PRKD1: variants seen among roughly 807,000 people sequenced by gnomAD.
The protein encoded by PRKD1 is serine/threonine-protein kinase D1.
Under a neutral mutation model 95.9 loss-of-function variants are expected in PRKD1, and 63 were observed. That is an observed-to-expected ratio of 0.66 (90% CI 0.54 to 0.81). PRKD1 has a LOEUF of 0.81. PRKD1 is among the 30% of genes least tolerant of loss of function. The pLI is 0.00. For synonymous variants in PRKD1, 425 were observed against 423.1 expected (o/e 1.00, Z -0.05); for missense variants, 1,048 against 1,165.3 (o/e 0.90, Z 1.47).
intron 2 of PRKD1, among the ~76,000 whole-genome samples, chr14:29,690,496 A>T (rs75924465): frequency 6.6e-6 from 1 of 152,128 alleles, no homozygotes; most frequent in Non-Finnish European, 1.5e-5. Context: ...CTACTTTTCA[A>T]ATCGGCTTAC....
chr14:29,764,418 C>A (rs1330292640), intron 1 of PRKD1, among the ~76,000 whole-genome samples: 1 of 152,132 alleles, frequency 6.6e-6, no homozygotes, highest in Non-Finnish European at 1.5e-5. Context: ...ATGGAAGACA[C>A]CTCTCTATGA....
At chr14:29,736,869 A>G (rs1886739440) in intron 1 of PRKD1, among the ~76,000 whole-genome samples, 1 of 152,218 alleles carries the variant, frequency 6.6e-6, no homozygotes, top group Non-Finnish European at 1.5e-5. Flanking sequence ...TGTTTTAATG[A>G]GTAGCTGAAA....
intron 1 of PRKD1, among the ~76,000 whole-genome samples, chr14:29,760,575 G>A (rs993657485): frequency 2.0e-5 from 3 of 151,848 alleles, no homozygotes; most frequent in African/African-American, 7.3e-5. Flanking sequence ...GCCTGGTCTC[G>A]AACTCTTGAC....
chr14:29,622,524 T>A (rs550243542), intron 13 of PRKD1, among the ~76,000 whole-genome samples: 22 of 152,016 alleles, frequency 1.4e-4, no homozygotes, highest in African/African-American at 4.8e-4. Flanking sequence ...TACCTCAGCC[T>A]TCAGAGTAGC....
chr14:29,908,140 CA>C lies in PRKD1; in HGVS notation c.264+19108del, dbSNP rs200786245. Among the ~76,000 whole-genome samples the C allele has an allele frequency of 4.5e-3, 295 of 65,186 alleles. 1 individual carries two copies. Among genetic ancestry groups the C allele is most frequent in the Middle Eastern group, 0.031 (3 of 96 alleles). 42.8% of individuals were successfully genotyped at this position (65,186 alleles called of 152,430 possible). On this transcript the variant is annotated intron_variant, in intron 1 of 17. Coordinates refer to ENST00000331968, the MANE Select transcript of PRKD1 (RefSeq NM_002742.3). ...TTGATCTTTCTGTGTAAAGACAAAG[CA>C]AAAAAAAAAAAAAAACTTATGCACT...
At chr14:29,891,129 C>T (rs1036165969) in intron 1 of PRKD1, among the ~76,000 whole-genome samples, 2 of 152,134 alleles carry the variant, frequency 1.3e-5, no homozygotes, top group Non-Finnish European at 2.9e-5. Flanking sequence ...AGATGCTAGC[C>T]AGATGCCCAA....
chr14:29,893,392 A>C (rs1894007286), intron 1 of PRKD1, among the ~76,000 whole-genome samples: 1 of 130,238 alleles, frequency 7.7e-6, no homozygotes, highest in Admixed American at 7.5e-5. Context: ...TATTTATAAT[A>C]GAAAGAGGTT....
chr14:29,581,241 C>T (rs904104153), intron 16 of PRKD1, among the ~76,000 whole-genome samples: 1 of 152,082 alleles, frequency 6.6e-6, no homozygotes, highest in African/African-American at 2.4e-5. Flanking sequence ...TTTTAATAGT[C>T]ACTAGCTCTA....
intron 1 of PRKD1, among the ~76,000 whole-genome samples, chr14:29,877,893 T>C (rs1893357412): frequency 6.6e-6 from 1 of 152,016 alleles, no homozygotes; most frequent in Non-Finnish European, 1.5e-5. Flanking sequence ...TGACAGGGAA[T>C]CAACCTAAAT....
At chr14:29,597,463 A>C (rs752482871) in intron 16 of PRKD1, 28 bp downstream of exon 16, 48 of 1,537,224 alleles carry the variant, frequency 3.1e-5, no homozygotes, top group Non-Finnish European at 4.2e-5. Context: ...GGATTAGATT[A>C]TTATCATTTT....
intron 1 of PRKD1, among the ~76,000 whole-genome samples, chr14:29,865,047 A>G (rs1892841327): frequency 6.6e-6 from 1 of 152,190 alleles, no homozygotes; most frequent in Non-Finnish European, 1.5e-5. Flanking sequence ...TGTGCCAACA[A>G]CATCTAACTA....
chr14:29,738,778 CTTCT>C lies in PRKD1; in HGVS notation c.265-13108_265-13105del, dbSNP rs796230169. Among the ~76,000 whole-genome samples, 15 of 149,228 alleles carry C rather than the reference CTTCT, an allele frequency of 1.0e-4. No homozygotes were observed. In the South Asian group the frequency reaches 1.3e-3, roughly 13 times the overall value. On this transcript the variant is annotated intron_variant, in intron 1 of 17. Transcript: ENST00000331968. The stretch of plus-strand genomic sequence containing the variant: ...CTTTCTTTCCTTCCTTCCTTCCTTC[CTTCT>C]TTCTTTCTCTCTCTCTTTCTTTCTC...
At chr14:29,779,166 C>A (rs185556263) in intron 1 of PRKD1, among the ~76,000 whole-genome samples, 1 of 152,222 alleles carries the variant, frequency 6.6e-6, no homozygotes, top group East Asian at 1.9e-4. Context: ...TTATGAAAAA[C>A]CCACAGGCAA....
chr14:29,859,279 G>T (rs1449550798), intron 1 of PRKD1, among the ~76,000 whole-genome samples: 1 of 151,824 alleles, frequency 6.6e-6, no homozygotes, highest in African/African-American at 2.4e-5. Context: ...AGACCACCCT[G>T]GCTAACATGG....
intron 1 of PRKD1, among the ~76,000 whole-genome samples, chr14:29,772,061 A>G (rs1046253329): frequency 6.6e-6 from 1 of 152,228 alleles, no homozygotes; most frequent in Non-Finnish European, 1.5e-5. Context: ...TCAGCCATAT[A>G]TGATTTCGAT....
intron 1 of PRKD1, among the ~76,000 whole-genome samples, chr14:29,907,317 G>A (rs775390444): frequency 1.3e-5 from 2 of 152,106 alleles, no homozygotes; most frequent in Admixed American, 1.3e-4. Flanking sequence ...TGGATCAAAG[G>A]TAGAAAAGAA....
At chr14:29,908,551 C>G (rs1040548557) in intron 1 of PRKD1, among the ~76,000 whole-genome samples, 3 of 152,206 alleles carry the variant, frequency 2.0e-5, no homozygotes, top group Non-Finnish European at 4.4e-5. Flanking sequence ...TCCCAAAGTG[C>G]TGGGATTACA....
intron 1 of PRKD1, among the ~76,000 whole-genome samples, chr14:29,883,463 T>A (rs1487453595): frequency 6.6e-6 from 1 of 152,224 alleles, no homozygotes; most frequent in Admixed American, 6.5e-5. Context: ...TTTCTCTATA[T>A]ATTATTTTTA....
Position 29,630,815 on chromosome 14 carries a change from C to G in PRKD1, c.1599G>C (p.Glu533Asp). Residue 533 changes from glutamate (E) to aspartate (D), a missense_variant, in exon 10 of 18, where the codon GAG (glutamate) becomes GAC (aspartate). By Grantham distance (45) the Glu-to-Asp change is conservative. This residue lies in a region of PRKD1 where 739 missense variants were observed against 861.9 expected (regional missense o/e 0.86). Transcript: ENST00000331968. Reference protein sequence around the residue: ...GVGADVARMWEIAIQHALMPV... With the variant: ...GVGADVARMWDIAIQHALMPV... ...GCATAAGGGCATGCTGGATGGCTAT[C>G]TCCCACATCCTGGCCACATCTGCAC... 1 of 1,614,106 alleles carries G rather than the reference C, an allele frequency of 6.2e-7. No individual in the cohort carries two copies. Among genetic ancestry groups the G allele is most frequent in the Non-Finnish European group, 8.5e-7 (1 of 1,179,988 alleles).
Sources: gnomAD v4.1 joint callset for allele counts (sites outside exome capture counted in the v4.1 genomes callset) on GRCh38, gnomAD v4.1.1 for gene constraint, gnomAD v4.1.1 regional missense constraint, MANE v1.5 for transcripts, NCBI Gene and HGNC (gene_info 2026-07-23, HGNC 2026-07-21) for gene names.